The following COL4A6 variants were observed in gnomAD, a reference collection of about 807,000 sequenced individuals.
COL4A6 encodes the protein collagen type IV alpha 6 chain, also known as collagen alpha-6(IV) chain.
COL4A6 carries 59 observed loss-of-function variants against 126.7 expected under a neutral mutation model. The ratio of observed to expected loss-of-function variants is 0.47; its 90% CI spans 0.38 to 0.58. The LOEUF (loss-of-function observed/expected upper bound fraction) is 0.58, where lower values mean the gene tolerates loss of function less well. Among genes scored for constraint, COL4A6 ranks in the 20% least tolerant of loss-of-function variants. The probability of loss-of-function intolerance (pLI) is 0.00; values close to 1 mark genes in which losing one functional copy is unlikely to be tolerated. For missense variants in COL4A6, 1,285 were observed against 1,337.3 expected (o/e 0.96, Z 0.61); for synonymous variants, 547 against 496.6 (o/e 1.10, Z -1.35).
At position 108,190,504 on chromosome X, in the gene COL4A6, TA is replaced by T. The variant is rs757225361; in HGVS notation, c.1322-9del. Reference sequence around the variant, plus strand: ...CAGTCTCAAATTCTGGACCTTTGGGTAAAAAAAAGATAAAGGATTAGCAACT... The same window carrying T: ...CAGTCTCAAATTCTGGACCTTTGGGTAAAAAAAGATAAAGGATTAGCAACT... On this transcript the variant is annotated splice_polypyrimidine_tract_variant and intron_variant, in intron 19 of 44. Coordinates refer to ENST00000334504, the MANE Select transcript of COL4A6 (RefSeq NM_033641.4). The T allele has an allele frequency of 2.0e-5, 22 of 1,124,853 alleles. No homozygotes were observed. The highest frequency in any genetic ancestry group is 2.3e-5 in the Non-Finnish European group (19 of 822,998). 92.7% of individuals were successfully genotyped at this position (1,124,853 alleles called of 1,213,427 possible).
At chrX:108,272,531 C>T (rs1487230172) in intron 3 of COL4A6, among the ~76,000 whole-genome samples, 1 of 111,546 alleles carries the variant, frequency 9.0e-6, no homozygotes, top group Non-Finnish European at 1.9e-5. Flanking sequence ...TCTATCTCCC[C>T]ATGAAAATTC....
At chrX:108,329,406 C>T (rs1038440190) in intron 2 of COL4A6, among the ~76,000 whole-genome samples, 5 of 111,666 alleles carry the variant, frequency 4.5e-5, no homozygotes, top group African/African-American at 9.8e-5. Flanking sequence ...AGAGATTTAT[C>T]ATCCAATCAC....
chrX:108,427,955 T>C (rs2064115047), intron 2 of COL4A6, among the ~76,000 whole-genome samples: 1 of 111,696 alleles, frequency 9.0e-6, no homozygotes, highest in Non-Finnish European at 1.9e-5. Context: ...CAAAATAATA[T>C]ATGATAAAGT....
intron 2 of COL4A6, among the ~76,000 whole-genome samples, chrX:108,311,212 T>C (rs1352547643): frequency 8.9e-6 from 1 of 111,851 alleles, no homozygotes; most frequent in African/African-American, 3.3e-5. Context: ...GCAGATAACT[T>C]GAGTGAAATT....
chrX:108,161,852 C>T, intron 41 of COL4A6, 117 bp from the exon 42 acceptor site: 1 of 490,102 alleles, frequency 2.0e-6, no homozygotes, highest in Non-Finnish European at 3.6e-6. Context: ...ATGCACTTGG[C>T]TGTCGACTTG....
intron 2 of COL4A6, among the ~76,000 whole-genome samples, chrX:108,418,793 C>A (rs1024716952): frequency 8.9e-6 from 1 of 112,028 alleles, no homozygotes; most frequent in Non-Finnish European, 1.9e-5. Context: ...TCTTCTTTTT[C>A]TTAATCTACA....
rs572349022 is a variant in COL4A6, at chrX:108,409,528, C to T, written c.63+28414G>A. On this transcript the variant is annotated intron_variant, in intron 2 of 44. Transcript: ENST00000334504. Reference sequence around the variant, plus strand: ...ACAAAAATTCAGGCTTGGATAAGTTCGAACAGGTAAAGTCACTTGTGCAAA... The same window carrying T: ...ACAAAAATTCAGGCTTGGATAAGTTTGAACAGGTAAAGTCACTTGTGCAAA... Among the ~76,000 whole-genome samples, 9 of 111,196 alleles carry T rather than the reference C, an allele frequency of 8.1e-5. No homozygotes were observed. The South Asian group carries it at 3.1e-3, about 38-fold the overall frequency.
intron 13 of COL4A6, among the ~76,000 whole-genome samples, chrX:108,197,721 T>C (rs2035262505): frequency 9.1e-6 from 1 of 110,117 alleles, no homozygotes; most frequent in Admixed American, 9.8e-5. Context: ...TGGCTAGTCA[T>C]GTTTTTGTTT....
At chrX:108,280,838 A>G (rs1168571710) in intron 3 of COL4A6, among the ~76,000 whole-genome samples, 1 of 112,048 alleles carries the variant, frequency 8.9e-6, no homozygotes, top group African/African-American at 3.3e-5. Flanking sequence ...GGCTGGTTCA[A>G]CATACACAAA....
intron 3 of COL4A6, among the ~76,000 whole-genome samples, chrX:108,249,119 G>A (rs1569380758): frequency 1.8e-5 from 2 of 110,343 alleles, no homozygotes; most frequent in Admixed American, 9.7e-5. Flanking sequence ...TAGAAATAAA[G>A]CACACAATAA....
At chrX:108,184,303 C>A (rs1223390946) in intron 23 of COL4A6, among the ~76,000 whole-genome samples, 2 of 112,371 alleles carry the variant, frequency 1.8e-5, no homozygotes, top group Admixed American at 1.9e-4. Context: ...AAAGTAATTT[C>A]TTGAAACTCT....
Position 108,261,355 on chromosome X carries a change from G to A in COL4A6, c.145-39981C>T, listed in dbSNP as rs191455637. ...CCTAGAAAGCATAAGTATTATACCT[G>A]GAGTGGGTAGGGGTTCCAAGATGGT... is the stretch of plus-strand genomic sequence containing the variant. On this transcript the variant is annotated intron_variant, in intron 3 of 44. Transcript: ENST00000334504. Among the ~76,000 whole-genome samples, 788 of 111,371 alleles carry A rather than the reference G, an allele frequency of 7.1e-3. 10 individuals carry two copies. Among genetic ancestry groups the A allele is most frequent in the Non-Finnish European group, 9.8e-3 (516 of 52,859 alleles).
chrX:108,279,581 C>G (rs2095700561), intron 3 of COL4A6, among the ~76,000 whole-genome samples: 2 of 111,406 alleles, frequency 1.8e-5, no homozygotes, highest in African/African-American at 3.3e-5. Flanking sequence ...TTAGACAGAT[C>G]AACGAGACAG....
intron 2 of COL4A6, among the ~76,000 whole-genome samples, chrX:108,330,026 C>A (rs2039258081): frequency 9.2e-6 from 1 of 108,381 alleles, no homozygotes; most frequent in Non-Finnish European, 1.9e-5. Context: ...CTGTGAATAG[C>A]CAGGAAAATA....
intron 3 of COL4A6, among the ~76,000 whole-genome samples, chrX:108,296,559 T>C (rs1040448789): frequency 2.7e-5 from 3 of 112,142 alleles, no homozygotes; most frequent in African/African-American, 9.7e-5. Flanking sequence ...CTATATATTG[T>C]TCTATTGAAC....
chrX:108,343,803 CA>C (rs58583772), intron 2 of COL4A6, among the ~76,000 whole-genome samples: 9,738 of 36,806 alleles, frequency 0.26, 775 homozygotes, highest in African/African-American at 0.43. Flanking sequence ...GGCAAAAAGC[CA>C]AAAAAAAAAA....
chrX:108,162,972 C>A lies in COL4A6; in HGVS notation c.4136G>T (p.Gly1379Val). 1 of 1,201,452 alleles carries A rather than the reference C, an allele frequency of 8.3e-7. No homozygotes were observed. Among genetic ancestry groups the A allele is most frequent in the Non-Finnish European group, 1.1e-6 (1 of 891,123 alleles). Residue 1379 changes from glycine (G) to valine (V), a missense_variant, in exon 41 of 45, where the codon GGA (glycine) becomes GTA (valine). Physicochemically the swap from Gly to Val is moderately radical, Grantham distance 109. Coordinates refer to ENST00000334504, the MANE Select transcript of COL4A6 (RefSeq NM_033641.4). ...PTAEAVQVPPGPLGLPGIDGI... is the reference protein window; with the variant it reads ...PTAEAVQVPPVPLGLPGIDGI... ...ATCGATCCCTGGTAGACCCAAGGGT[C>A]CAGGAGGAACCTGGACAGCTTCTGC...
At chrX:108,349,316 C>G (rs1213112692) in intron 2 of COL4A6, among the ~76,000 whole-genome samples, 1 of 111,997 alleles carries the variant, frequency 8.9e-6, no homozygotes. Flanking sequence ...TCAGTTCTTT[C>G]ATCTCTACTA....
intron 19 of COL4A6, among the ~76,000 whole-genome samples, 182 bp from the exon 20 acceptor site, chrX:108,190,678 G>C (rs1427735189): frequency 1.8e-5 from 2 of 111,537 alleles, no homozygotes; most frequent in Admixed American, 1.9e-4. Context: ...CAGGACCTCT[G>C]TTGGCTCAAT....
Sources: gnomAD v4.1 joint callset for allele counts (sites outside exome capture counted in the v4.1 genomes callset) on GRCh38, gnomAD v4.1.1 for gene constraint, MANE v1.5 for transcripts, NCBI Gene and HGNC (gene_info 2026-07-23, HGNC 2026-07-21) for gene names.